Variants in RARB observed in about 807,000 individuals in gnomAD.
The protein encoded by RARB is HBV-activated protein.
A neutral mutation model predicts 51.9 loss-of-function variants in RARB; 17 were observed. The observed-to-expected ratio is 0.33, with a 90% CI of 0.22 to 0.49. RARB has a LOEUF of 0.49. Among genes scored for constraint, RARB ranks in the 20% least tolerant of loss-of-function variants. The probability of loss-of-function intolerance (pLI) is 0.99; values close to 1 mark genes in which losing one functional copy is unlikely to be tolerated. For missense variants in RARB, 369 were observed against 550.8 expected (o/e 0.67, Z 3.30); for synonymous variants, 215 against 195.4 (o/e 1.10, Z -0.84).
intron 5 of RARB, among the ~76,000 whole-genome samples, chr3:25,318,130 G>C (rs1872141): frequency 0.49 from 74,082 of 151,726 alleles, 18,699 homozygotes; most frequent in East Asian, 0.88. Flanking sequence ...TTAACGAACA[G>C]AAAATTAGAG....
Position 24,941,252 on chromosome 3 carries a change from G to A in RARB, c.-380+82500G>A, listed in dbSNP as rs534360958. Among the ~76,000 whole-genome samples, 3 of 152,210 alleles carry A rather than the reference G, an allele frequency of 2.0e-5. No homozygotes were observed. In the East Asian group the frequency reaches 5.8e-4, roughly 29 times the overall value. On this transcript the variant is annotated intron_variant, in intron 2 of 11. Transcript: ENST00000383772. ...AAATGGGGCCTTCCTTAGCATTCTT[G>A]GAGATATTGGACTAACTTTGGGTTG...
rs532813328 is a variant in RARB, at chr3:24,973,008, T to C, written c.-379-87117T>C. 5.3e-5 allele frequency among the ~76,000 whole-genome samples: 8 copies of C among 152,208 alleles called. No homozygotes were observed. The South Asian group carries it at 1.4e-3, about 28-fold the overall frequency. ...AGTCCCATTTGTCCATTTTTTGCTT[T>C]TGTTGCCTGTGCTTTTAAGGTTTTT... On this transcript the variant is annotated intron_variant, in intron 2 of 11. Coordinates refer to the RARB transcript ENST00000383772.
chr3:25,500,081 G>A (rs1697219709), intron 2 of RARB, among the ~76,000 whole-genome samples: 1 of 152,176 alleles, frequency 6.6e-6, no homozygotes, highest in Admixed American at 6.5e-5. Context: ...ACCCGGTAAC[G>A]CTTTCTGCAA....
chr3:25,394,796 G>T (rs1707071471), intron 5 of RARB, among the ~76,000 whole-genome samples: 1 of 152,082 alleles, frequency 6.6e-6, no homozygotes, highest in Admixed American at 6.6e-5. Context: ...GAGTCTTTAT[G>T]TGTTAGGTGA....
intron 5 of RARB, among the ~76,000 whole-genome samples, chr3:25,385,321 T>C (rs1575361240): frequency 6.6e-6 from 1 of 152,198 alleles, no homozygotes; most frequent in Non-Finnish European, 1.5e-5. Context: ...TGCCTGTTCG[T>C]GTTTGGTCTC....
At chr3:25,369,848 G>T (rs1016115390) in intron 5 of RARB, among the ~76,000 whole-genome samples, 6 of 152,270 alleles carry the variant, frequency 3.9e-5, no homozygotes, top group Admixed American at 3.9e-4. Flanking sequence ...CTTGAACCCG[G>T]GAGGCAGAGT....
chr3:25,339,486 G>A (rs888692543), intron 5 of RARB, among the ~76,000 whole-genome samples: 5 of 152,116 alleles, frequency 3.3e-5, no homozygotes, highest in Middle Eastern at 3.4e-3. Context: ...ACGTGGCTGC[G>A]CGGGAGTCTC....
At chr3:25,570,731 ACACT>A (rs1700675602) in intron 4 of RARB, among the ~76,000 whole-genome samples, 1 of 152,212 alleles carries the variant, frequency 6.6e-6, no homozygotes, top group Admixed American at 6.5e-5. Context: ...CATGTAATAG[ACACT>A]CAGTAGATAT....
intron 2 of RARB, among the ~76,000 whole-genome samples, chr3:25,003,814 G>A (rs1009649185): frequency 6.6e-6 from 1 of 152,096 alleles, no homozygotes; most frequent in African/African-American, 2.4e-5. Flanking sequence ...AAAGGCTCAT[G>A]GAAGTTTACT....
At chr3:25,236,364 A>G (rs1249024447) in intron 5 of RARB, among the ~76,000 whole-genome samples, 1 of 152,172 alleles carries the variant, frequency 6.6e-6, no homozygotes, top group African/African-American at 2.4e-5. Context: ...TTCTTATCTC[A>G]GAATAGCAGA....
intron 1 of RARB, among the ~76,000 whole-genome samples, chr3:24,849,569 A>G (rs1347188723): frequency 6.6e-6 from 1 of 152,246 alleles, no homozygotes; most frequent in Admixed American, 6.5e-5. Context: ...AAGACACCTT[A>G]TTTAGTATAC....
intron 2 of RARB, among the ~76,000 whole-genome samples, chr3:25,479,691 A>G (rs1026641914): frequency 7.9e-5 from 12 of 152,200 alleles, no homozygotes; most frequent in Non-Finnish European, 1.5e-4. Context: ...TGGTTCAAAC[A>G]TTTCATTACC....
intron 2 of RARB, among the ~76,000 whole-genome samples, chr3:25,016,099 G>T (rs1013605735): frequency 1.3e-5 from 2 of 152,168 alleles, no homozygotes; most frequent in African/African-American, 4.8e-5. Context: ...TTGGAATTTT[G>T]CAAGGGCAAA....
chr3:25,168,722 C>T (rs940475845), intron 4 of RARB, among the ~76,000 whole-genome samples: 11 of 151,910 alleles, frequency 7.2e-5, no homozygotes, highest in East Asian at 1.9e-4. Context: ...GATGAAGAAG[C>T]GGAAATGGAG....
chr3:25,329,767 A>T (rs767526925), intron 5 of RARB, among the ~76,000 whole-genome samples: 2 of 152,200 alleles, frequency 1.3e-5, no homozygotes, highest in East Asian at 3.9e-4. Flanking sequence ...AAAGCCTTGA[A>T]AAAAGATTAG....
intron 4 of RARB, among the ~76,000 whole-genome samples, chr3:25,148,478 T>C (rs972275658): frequency 9.2e-5 from 14 of 152,218 alleles, no homozygotes; most frequent in Non-Finnish European, 2.1e-4. Flanking sequence ...TTAAGGGTTT[T>C]TATAGCTTTC....
intron 2 of RARB, among the ~76,000 whole-genome samples, chr3:25,475,269 A>C (rs1424433341): frequency 2.6e-5 from 4 of 152,164 alleles, no homozygotes; most frequent in Admixed American, 2.6e-4. Flanking sequence ...CTCAGAAAGA[A>C]TATTTCTGTT....
Position 24,994,830 on chromosome 3 carries a change from C to A in RARB, c.-379-65295C>A, listed in dbSNP as rs1696988588. Among the ~76,000 whole-genome samples the A allele has an allele frequency of 2.0e-5, 3 of 151,964 alleles. 1 individual carries two copies. The South Asian group carries it at 6.2e-4, about 31-fold the overall frequency. On this transcript the variant is annotated intron_variant, in intron 2 of 11. Transcript: ENST00000383772. ...ATGGATGGATTTGTACCTGGATTTTCTATTTTATTTCATTGTTGTATGTGT... is the reference window on the plus strand; with the variant it reads ...ATGGATGGATTTGTACCTGGATTTTATATTTTATTTCATTGTTGTATGTGT...
chr3:25,316,187 T>C (rs935238958), intron 5 of RARB, among the ~76,000 whole-genome samples: 3 of 152,214 alleles, frequency 2.0e-5, no homozygotes, highest in African/African-American at 7.2e-5. Context: ...CTGAGGACCA[T>C]TGTATCTATG....
Sources: allele counts gnomAD v4.1 joint callset (sites outside exome capture counted in the v4.1 genomes callset), GRCh38; gene constraint gnomAD v4.1.1; transcripts MANE v1.5; gene names NCBI Gene and HGNC (gene_info 2026-07-23, HGNC 2026-07-21).